The following ABHD16A variants were observed in gnomAD, a reference collection of about 807,000 sequenced individuals.
The protein encoded by ABHD16A is phosphatidylserine lipase ABHD16A.
A neutral mutation model predicts 89.8 loss-of-function variants in ABHD16A; 47 were observed. The ratio of observed to expected loss-of-function variants is 0.52; its 90% confidence interval spans 0.41 to 0.67. ABHD16A has a LOEUF of 0.67. Among genes scored for constraint, ABHD16A ranks in the 30% least tolerant of loss-of-function variants. The pLI, the probability that ABHD16A is intolerant of heterozygous loss-of-function variation, is 0.00. For missense variants in ABHD16A, 580 were observed against 734.6 expected (o/e 0.79, Z 2.43); for synonymous variants, 251 against 280.4 (o/e 0.90, Z 1.05).
At chr6:31,691,525 C>A (rs1803875419) in intron 9 of ABHD16A, 54 bp downstream of exon 9, 1 of 1,566,268 alleles carries the variant, frequency 6.4e-7, no homozygotes. Flanking sequence ...GTCCCCAGAC[C>A]TCTACTGCCT....
intron 7 of ABHD16A, 139 bp from the exon 8 acceptor site, chr6:31,692,057 G>T: frequency 3.0e-6 from 2 of 668,782 alleles, no homozygotes; most frequent in Non-Finnish European, 5.0e-6. Context: ...CCTCTTTCAA[G>T]CCTTAATGAA....
At chr6:31,692,443 C>T (rs1803978414) in intron 7 of ABHD16A, 1 of 159,808 alleles carries the variant, frequency 6.3e-6, no homozygotes, top group Admixed American at 6.0e-5. Flanking sequence ...TTCCCAGTGT[C>T]TGTTCCACTA....
chr6:31,693,118 C>A lies in ABHD16A; in HGVS notation c.535G>T (p.Gly179Cys). 6.2e-7 allele frequency: 1 copy of A among 1,613,964 alleles called. No homozygotes were observed. ...KESRGGPSRRGVALLRPEPLH... is the reference protein window; with the variant it reads ...KESRGGPSRRCVALLRPEPLH... ...GGCTCTGGGCGAAGCAGGGCCACAC[C>A]CCGGCGGGAAGGGCCCCCTCGAGAC... is the stretch of plus-strand genomic sequence containing the variant. The change falls in exon 7 of 20, where the codon GGT becomes TGT. Residue 179 changes from glycine (G) to cysteine (C), a missense_variant. Transcript: ENST00000395952. The surrounding 1 kb of genome is among the most constrained non-coding windows in gnomAD (Gnocchi z 5.0).
rs558617959 is a variant in ABHD16A, at chr6:31,689,891, T to C, written c.957+187A>G. Among the ~76,000 whole-genome samples, 5 of 152,332 alleles carry C rather than the reference T, an allele frequency of 3.3e-5. No individual in the cohort carries two copies. In the East Asian group the frequency reaches 9.7e-4, roughly 29 times the overall value. On this transcript the variant is annotated intron_variant, in intron 11 of 19. Transcript: ENST00000395952. Reference sequence around the variant, plus strand: ...CAATGAGATCTACCTCCTCCTCTCCTGCTAGCCCCGCACTGTGGGGATGGG... The same window carrying C: ...CAATGAGATCTACCTCCTCCTCTCCCGCTAGCCCCGCACTGTGGGGATGGG...
intron 12 of ABHD16A, 59 bp downstream of exon 12, chr6:31,689,522 G>C (rs1002139009): frequency 1.4e-6 from 2 of 1,476,340 alleles, no homozygotes; most frequent in East Asian, 5.1e-5. Context: ...CACCTCTCCC[G>C]GGTGGGGCTG....
At position 31,688,452 on chromosome 6, in the gene ABHD16A, G is replaced by A. The variant is rs988945194; in HGVS notation, c.1251-147C>T. 4 of 895,158 alleles carry A rather than the reference G, an allele frequency of 4.5e-6. No homozygotes were observed. The African/African-American group carries it at 5.0e-5, about 11-fold the overall frequency. 55.5% of individuals were successfully genotyped at this position (895,158 alleles called of 1,614,324 possible). Reference sequence around the variant, plus strand: ...TAGCCCTTCACTCAGGGGTGAGAGGGGATTATTTAAGGGGCATGGTTCAGT... The same window carrying A: ...TAGCCCTTCACTCAGGGGTGAGAGGAGATTATTTAAGGGGCATGGTTCAGT... On this transcript the variant is annotated intron_variant, in intron 14 of 19. Coordinates refer to ENST00000395952, the MANE Select transcript of ABHD16A (RefSeq NM_021160.3). The surrounding 1 kb of genome is among the most constrained non-coding windows in gnomAD (Gnocchi z 4.9).
At position 31,687,921 on chromosome 6, in the gene ABHD16A, C is replaced by T; in HGVS notation, c.1371-21G>A. On this transcript the variant is annotated intron_variant, in intron 16 of 19. Coordinates refer to ENST00000395952, the MANE Select transcript of ABHD16A (RefSeq NM_021160.3). The surrounding 1 kb of genome is among the most constrained non-coding windows in gnomAD (Gnocchi z 6.3). ...GATACCTACGGAGGAAGTGCCAGGACAGGTCAGGGCTGATTTTTTTTCATT... is the reference window on the plus strand; with the variant it reads ...GATACCTACGGAGGAAGTGCCAGGATAGGTCAGGGCTGATTTTTTTTCATT... 1 of 1,612,800 alleles carries T rather than the reference C, an allele frequency of 6.2e-7. No individual in the cohort carries two copies. Among genetic ancestry groups the T allele is most frequent in the South Asian group, 1.1e-5 (1 of 91,080 alleles).
At chr6:31,702,484 A>G (rs1215179384) in intron 1 of ABHD16A, 19 of 969,282 alleles carry the variant, frequency 2.0e-5, no homozygotes, top group Non-Finnish European at 2.6e-5. Flanking sequence ...TCTAAGAAGG[A>G]AAGAAAAGCA....
chr6:31,692,651 G>A (rs191969375), intron 7 of ABHD16A: 2 of 242,574 alleles, frequency 8.2e-6, no homozygotes, highest in South Asian at 5.6e-5. Flanking sequence ...ACAGGGGCCC[G>A]GAGCCAAGGT....
chr6:31,699,543 T>C (rs932670938), intron 4 of ABHD16A, among the ~76,000 whole-genome samples: 3 of 149,746 alleles, frequency 2.0e-5, no homozygotes, highest in Admixed American at 1.3e-4. Flanking sequence ...GCTTCTTCTA[T>C]TTAACACAAC....
In ABHD16A at chr6:31,687,515, G is replaced by A; in HGVS notation, c.1576C>T (p.Gln526Ter). The change falls in exon 19 of 20, where the codon CAG (glutamine) becomes TAG (stop). Residue 526 changes from glutamine to a stop codon, truncating the protein, a stop_gained. Coordinates refer to ENST00000395952, the MANE Select transcript of ABHD16A (RefSeq NM_021160.3). LOFTEE classifies it high-confidence loss of function. The surrounding 1 kb of genome is among the most constrained non-coding windows in gnomAD (Gnocchi z 6.3). Reference sequence around the variant, plus strand: ...TAGCTCACCAGAAACAAAGCCAGCTGCCGCCGTCCATCTGCACTCATGTCC... The same window carrying A: ...TAGCTCACCAGAAACAAAGCCAGCTACCGCCGTCCATCTGCACTCATGTCC... ...GEDMSADGRR[Q>*]LALFLARKHL... 2.5e-6 allele frequency: 4 copies of A among 1,613,040 alleles called. No individual in the cohort carries two copies. Among genetic ancestry groups the A allele is most frequent in the Non-Finnish European group, 3.4e-6 (4 of 1,179,994 alleles).
chr6:31,687,008 A>G lies in ABHD16A; in HGVS notation c.*204T>C. 1.7e-6 allele frequency: 1 copy of G among 585,724 alleles called. No individual in the cohort carries two copies. The highest frequency in any genetic ancestry group is 1.9e-5 in the African/African-American group (1 of 53,642). 36.3% of individuals were successfully genotyped at this position (585,724 alleles called of 1,614,324 possible). A position where few individuals can be genotyped will look rare whatever the true frequency, so the allele number is the denominator to read the frequency against. On this transcript the variant is annotated 3_prime_UTR_variant, in exon 20 of 20. Transcript: ENST00000395952. This position sits in a 1 kb window ranked among gnomAD's most constrained non-coding sequence, Gnocchi z 6.3. The stretch of plus-strand genomic sequence containing the variant: ...ATTATTAGGAATAATCCATTCATGT[A>G]ATGCAGGATGTATGTTGGAGAAGGT...
chr6:31,690,190 G>GAT lies in ABHD16A; in HGVS notation c.908-64_908-63insAT. ...CCCACAGCCCTTTCTCCATCCCTGG[G>GAT]GGAAGGAAGAGCAGAAGTACCCCCC... is the stretch of plus-strand genomic sequence containing the variant. On this transcript the variant is annotated intron_variant, in intron 10 of 19. Coordinates refer to ENST00000395952, the MANE Select transcript of ABHD16A (RefSeq NM_021160.3). The surrounding 1 kb of genome is among the most constrained non-coding windows in gnomAD (Gnocchi z 4.1). The GAT allele has an allele frequency of 6.8e-7, 1 of 1,462,072 alleles. No individual in the cohort carries two copies. Among genetic ancestry groups the GAT allele is most frequent in the Non-Finnish European group, 9.2e-7 (1 of 1,082,636 alleles). 90.6% of individuals were successfully genotyped at this position (1,462,072 alleles called of 1,614,324 possible).
In ABHD16A at chr6:31,693,328, G is replaced by T; in HGVS notation, c.503+31C>A. ...AGATTTTCTGGAATGGTTCTAAGGG[G>T]AGAGATACAGCAAAAGAACTGGGGC... On this transcript the variant is annotated intron_variant, in intron 6 of 19. Transcript: ENST00000395952. This position sits in a 1 kb window ranked among gnomAD's most constrained non-coding sequence, Gnocchi z 5.0. The T allele has an allele frequency of 6.2e-7, 1 of 1,611,808 alleles. No individual in the cohort carries two copies. Among genetic ancestry groups the T allele is most frequent in the Non-Finnish European group, 8.5e-7 (1 of 1,178,878 alleles).
chr6:31,691,780 G>A, intron 8 of ABHD16A, 24 bp downstream of exon 8: 1 of 1,597,844 alleles, frequency 6.3e-7, no homozygotes, highest in Middle Eastern at 2.0e-4. Context: ...GGCTTTAGGG[G>A]ATGTGCGGGC....
intron 2 of ABHD16A, 75 bp from the exon 3 acceptor site, chr6:31,701,415 C>T: frequency 3.1e-6 from 4 of 1,299,108 alleles, no homozygotes; most frequent in Non-Finnish European, 4.4e-6. Flanking sequence ...ATATACTATA[C>T]ACTCTGAGCA....
At chr6:31,694,039 C>A (rs892443255) in intron 5 of ABHD16A, among the ~76,000 whole-genome samples, 2 of 151,858 alleles carry the variant, frequency 1.3e-5, no homozygotes, top group Non-Finnish European at 2.9e-5. Context: ...GGCCACCCCA[C>A]TGAGCCAGTC....
rs1478689904 is a variant in ABHD16A, at chr6:31,687,149, T to TC, written c.*62_*63insG. 2.1e-6 allele frequency: 3 copies of TC among 1,454,280 alleles called. No individual in the cohort carries two copies. The highest frequency in any genetic ancestry group is 2.4e-5 in the South Asian group (2 of 83,738). 90.1% of individuals were successfully genotyped at this position (1,454,280 alleles called of 1,614,324 possible). A position where few individuals can be genotyped will look rare whatever the true frequency, so the allele number is the denominator to read the frequency against. ...CAACATGAACACAGAGAATCACAAATAAGAGGGTCTTTCCTCATGTCTCCT... is the reference window on the plus strand; with the variant it reads ...CAACATGAACACAGAGAATCACAAATCAAGAGGGTCTTTCCTCATGTCTCCT... On this transcript the variant is annotated 3_prime_UTR_variant, in exon 20 of 20. Transcript: ENST00000395952. This position sits in a 1 kb window ranked among gnomAD's most constrained non-coding sequence, Gnocchi z 6.3.
Position 31,693,717 on chromosome 6 carries a change from A to T in ABHD16A, c.430-285T>A, listed in dbSNP as rs1804125344. Among the ~76,000 whole-genome samples, 1 of 152,190 alleles carries T rather than the reference A, an allele frequency of 6.6e-6. No individual in the cohort carries two copies. The highest frequency in any genetic ancestry group is 2.4e-5 in the African/African-American group (1 of 41,454). On this transcript the variant is annotated intron_variant, in intron 5 of 19. Transcript: ENST00000395952. The surrounding 1 kb of genome is among the most constrained non-coding windows in gnomAD (Gnocchi z 5.0). Reference sequence around the variant, plus strand: ...AAAAAACTAAGTCTGACCCATCCCCAGGAGGAGTGGCTGAAGGTGCTAGTG... The same window carrying T: ...AAAAAACTAAGTCTGACCCATCCCCTGGAGGAGTGGCTGAAGGTGCTAGTG...
Sources: allele counts gnomAD v4.1 joint callset (sites outside exome capture counted in the v4.1 genomes callset), GRCh38; gene constraint gnomAD v4.1.1; non-coding constraint Gnocchi (gnomAD v3.1); transcripts MANE v1.5; gene names NCBI Gene and HGNC (gene_info 2026-07-23, HGNC 2026-07-21).